The following STXBP6 variants were observed in gnomAD, a reference collection of about 807,000 sequenced individuals.
STXBP6 encodes the protein syntaxin-binding protein 6.
Under a neutral mutation model 26.9 loss-of-function variants are expected in STXBP6, and 21 were observed. The observed-to-expected ratio is 0.78, with a 90% CI of 0.55 to 1.12. The LOEUF is 1.12. Among genes scored for constraint, STXBP6 ranks in the 50% most tolerant of loss-of-function variants. STXBP6 has a pLI of 0.00. For synonymous variants in STXBP6, 97 were observed against 92.6 expected (o/e 1.05, Z -0.27); for missense variants, 232 against 257.9 (o/e 0.90, Z 0.69).
chr14:24,837,349 T>C (rs1186411185), intron 4 of STXBP6, among the ~76,000 whole-genome samples: 1 of 152,228 alleles, frequency 6.6e-6, no homozygotes, highest in African/African-American at 2.4e-5. Flanking sequence ...AGTAGCATCA[T>C]CTTTCTTTAC....
At position 25,043,854 on chromosome 14, in the gene STXBP6, T is replaced by A. The variant is rs928127429; in HGVS notation, c.-33+6024A>T. ...TTATCCATTCAGCAGCCGATGGATA[T>A]TTGGGTTGTTTCCACTTTAGGGCTA... On this transcript the variant is annotated intron_variant, in intron 1 of 5. Coordinates refer to ENST00000323944, the MANE Select transcript of STXBP6 (RefSeq NM_001394410.1). Among the ~76,000 whole-genome samples the A allele has an allele frequency of 3.3e-5, 5 of 152,246 alleles. No individual in the cohort carries two copies. In the South Asian group the frequency reaches 1.0e-3, roughly 32 times the overall value.
At chr14:25,044,532 G>T (rs1357332807) in intron 1 of STXBP6, among the ~76,000 whole-genome samples, 2 of 152,198 alleles carry the variant, frequency 1.3e-5, no homozygotes, top group Non-Finnish European at 2.9e-5. Flanking sequence ...TTCATCCTGA[G>T]TGTTGCGCCT....
At chr14:24,869,544 A>G (rs944053146) in intron 2 of STXBP6, among the ~76,000 whole-genome samples, 1 of 152,044 alleles carries the variant, frequency 6.6e-6, no homozygotes, top group African/African-American at 2.4e-5. Flanking sequence ...ACAACACCCG[A>G]CTCTCTGGTG....
At chr14:24,910,671 T>C (rs575133882) in intron 2 of STXBP6, among the ~76,000 whole-genome samples, 6 of 152,226 alleles carry the variant, frequency 3.9e-5, no homozygotes, top group Non-Finnish European at 8.8e-5. Context: ...ATGTATATGA[T>C]AATTAGCTAC....
intron 2 of STXBP6, among the ~76,000 whole-genome samples, chr14:24,869,599 A>C (rs2069853611): frequency 6.6e-6 from 1 of 152,130 alleles, no homozygotes; most frequent in African/African-American, 2.4e-5. Context: ...TCAATTCTCC[A>C]CTGATAATTT....
At chr14:24,913,387 T>G (rs1212747934) in intron 2 of STXBP6, among the ~76,000 whole-genome samples, 1 of 152,194 alleles carries the variant, frequency 6.6e-6, no homozygotes, top group East Asian at 1.9e-4. Context: ...ATATAAAGGG[T>G]ATGCTAATTG....
At chr14:25,047,361 T>G (rs2140528469) in intron 1 of STXBP6, among the ~76,000 whole-genome samples, 1 of 152,318 alleles carries the variant, frequency 6.6e-6, no homozygotes, top group Middle Eastern at 3.4e-3. Context: ...TAATGGTAAG[T>G]GGCACAGGCA....
intron 2 of STXBP6, among the ~76,000 whole-genome samples, chr14:24,957,908 T>G (rs1410278233): frequency 1.3e-5 from 2 of 152,150 alleles, no homozygotes; most frequent in African/African-American, 2.4e-5. Context: ...AAATGCAGAG[T>G]ATGCACATAG....
intron 1 of STXBP6, among the ~76,000 whole-genome samples, chr14:25,031,284 G>A (rs1187254326): frequency 6.6e-6 from 1 of 152,170 alleles, no homozygotes; most frequent in Non-Finnish European, 1.5e-5. Context: ...AATATTTTAA[G>A]TTCTAGAAAA....
At chr14:24,860,402 T>G (rs2069493751) in intron 2 of STXBP6, among the ~76,000 whole-genome samples, 2 of 152,090 alleles carry the variant, frequency 1.3e-5, no homozygotes, top group African/African-American at 4.8e-5. Context: ...GCATGTTATG[T>G]GAAATGGGAG....
At chr14:24,818,496 A>AGGCCCTGAAATAACAATC (rs2068044487) in intron 5 of STXBP6, among the ~76,000 whole-genome samples, 1 of 152,150 alleles carries the variant, frequency 6.6e-6, no homozygotes, top group Admixed American at 6.5e-5. Flanking sequence ...CCCAGAATTG[A>AGGCCCTGAAATAACAATC]GGCCCTGAAA....
chr14:24,912,188 T>G (rs2071599333), intron 2 of STXBP6, among the ~76,000 whole-genome samples: 2 of 152,168 alleles, frequency 1.3e-5, no homozygotes, highest in South Asian at 4.1e-4. Context: ...TAAATAATTT[T>G]TTAACTACTT....
chr14:24,941,247 A>G (rs754679194), intron 2 of STXBP6, among the ~76,000 whole-genome samples: 1 of 152,214 alleles, frequency 6.6e-6, no homozygotes, highest in Non-Finnish European at 1.5e-5. Context: ...ACTAACCTCA[A>G]AGTCCTACCA....
chr14:24,837,039 T>C (rs10138734), intron 4 of STXBP6, among the ~76,000 whole-genome samples: 31,439 of 152,134 alleles, frequency 0.21, 5,118 homozygotes, highest in African/African-American at 0.45. Context: ...GATACAGACA[T>C]AATTATTAGA....
At chr14:24,961,747 G>A (rs999557731) in intron 2 of STXBP6, among the ~76,000 whole-genome samples, 3 of 152,112 alleles carry the variant, frequency 2.0e-5, no homozygotes, top group African/African-American at 7.2e-5. Context: ...CCAACAGTGT[G>A]CAATATATCC....
At chr14:25,005,901 C>A (rs2074885922) in intron 1 of STXBP6, among the ~76,000 whole-genome samples, 1 of 151,836 alleles carries the variant, frequency 6.6e-6, no homozygotes, top group Admixed American at 6.6e-5. Flanking sequence ...AGAGACAGCC[C>A]ATAAGAGCTG....
At chr14:24,836,485 C>T (rs534260073) in intron 4 of STXBP6, among the ~76,000 whole-genome samples, 15 of 151,348 alleles carry the variant, frequency 9.9e-5, no homozygotes, top group African/African-American at 3.6e-4. Context: ...GTAATCCCAG[C>T]TACTTGGGAG....
chr14:24,838,622 T>G (rs2068695078), intron 4 of STXBP6, among the ~76,000 whole-genome samples: 1 of 151,698 alleles, frequency 6.6e-6, no homozygotes, highest in Non-Finnish European at 1.5e-5. Flanking sequence ...AGATGGAGGT[T>G]GCAGTGAGCC....
At chr14:25,000,710 G>C (rs1566551127) in intron 1 of STXBP6, among the ~76,000 whole-genome samples, 1 of 149,904 alleles carries the variant, frequency 6.7e-6, no homozygotes, top group Non-Finnish European at 1.5e-5. Context: ...CAGAGGGAAA[G>C]TTAGAGTTTA....
Sources: gnomAD v4.1 joint callset for allele counts (sites outside exome capture counted in the v4.1 genomes callset) on GRCh38, gnomAD v4.1.1 for gene constraint, MANE v1.5 for transcripts, NCBI Gene and HGNC (gene_info 2026-07-23, HGNC 2026-07-21) for gene names.